The following ADGRL3 variants were observed in gnomAD, a reference collection of about 807,000 sequenced individuals.
ADGRL3 encodes calcium-independent alpha-latrotoxin receptor 3.
Under a neutral mutation model 153.5 loss-of-function variants are expected in ADGRL3, and 62 were observed. The ratio of observed to expected loss-of-function variants is 0.40; its 90% CI spans 0.33 to 0.50. The LOEUF (loss-of-function observed/expected upper bound fraction) is 0.50, where lower values mean the gene tolerates loss of function less well. ADGRL3 is among the 20% of genes least tolerant of loss of function. The pLI is 0.47. For missense variants in ADGRL3, 1,641 were observed against 1,859.4 expected (o/e 0.88, Z 2.16); for synonymous variants, 710 against 672.5 (o/e 1.06, Z -0.86).
chr4:61,860,105 T>C (rs1013027545), intron 9 of ADGRL3, among the ~76,000 whole-genome samples: 2 of 152,098 alleles, frequency 1.3e-5, no homozygotes, highest in African/African-American at 2.4e-5. Context: ...TGCTTCAGAG[T>C]TCCTTGTAGA....
intron 5 of ADGRL3, among the ~76,000 whole-genome samples, chr4:61,590,362 T>C (rs2098964523): frequency 6.6e-6 from 1 of 151,964 alleles, no homozygotes; most frequent in Non-Finnish European, 1.5e-5. Context: ...TGTTTTTTTA[T>C]ATATTTTAGA....
chr4:61,475,003 T>C (rs2098026614), intron 2 of ADGRL3, among the ~76,000 whole-genome samples: 1 of 152,158 alleles, frequency 6.6e-6, no homozygotes. Context: ...CCAAAGAATG[T>C]GTGCATCTCA....
At chr4:61,507,821 A>G (rs17090492) in intron 3 of ADGRL3, among the ~76,000 whole-genome samples, 16,267 of 152,218 alleles carry the variant, frequency 0.11, 948 homozygotes, top group African/African-American at 0.16. Context: ...CTCTGTCAAT[A>G]TGTGGATCAT....
intron 8 of ADGRL3, among the ~76,000 whole-genome samples, chr4:61,733,861 AAATAG>A (rs2096473969): frequency 6.6e-6 from 1 of 152,198 alleles, no homozygotes; most frequent in East Asian, 1.9e-4. Flanking sequence ...ACCATTGCTA[AAATAG>A]AACAGCCCGT....
chr4:61,826,667 G>C (rs988839919), intron 9 of ADGRL3, among the ~76,000 whole-genome samples: 2 of 152,028 alleles, frequency 1.3e-5, no homozygotes, highest in Admixed American at 6.6e-5. Context: ...ACATACTATG[G>C]TTTCAATTTT....
intron 24 of ADGRL3, among the ~76,000 whole-genome samples, chr4:62,040,405 C>G (rs1727588091): frequency 6.6e-6 from 1 of 151,854 alleles, no homozygotes; most frequent in Non-Finnish European, 1.5e-5. Context: ...CCAGCCAAGC[C>G]TATGTAAGGT....
At chr4:61,787,620 T>A (rs1417549282) in intron 8 of ADGRL3, among the ~76,000 whole-genome samples, 2 of 152,160 alleles carry the variant, frequency 1.3e-5, no homozygotes, top group African/African-American at 4.8e-5. Flanking sequence ...AGTTTATCAG[T>A]ACTTGAAACC....
At chr4:61,755,270 T>C (rs1304404183) in intron 8 of ADGRL3, among the ~76,000 whole-genome samples, 1 of 151,964 alleles carries the variant, frequency 6.6e-6, no homozygotes, top group Admixed American at 6.6e-5. Flanking sequence ...CTACATCCTC[T>C]CCAGCACCTG....
Position 61,200,943 on chromosome 4 carries a change from C to G in ADGRL3, c.-1062C>G, listed in dbSNP as rs1257479362. ...CTCGGCGGCCGGGCGCCCGCTCTGT[C>G]TGCGCGCCCCCTCCGTGCACCGGGG... On this transcript the variant is annotated 5_prime_UTR_variant, in exon 1 of 27. Transcript: ENST00000683033. Among the ~76,000 whole-genome samples, 2 of 151,660 alleles carry G rather than the reference C, an allele frequency of 1.3e-5. No individual in the cohort carries two copies. Among genetic ancestry groups the G allele is most frequent in the African/African-American group, 4.8e-5 (2 of 41,284 alleles).
chr4:61,597,292 CAAG>C (rs1265437270), intron 5 of ADGRL3, among the ~76,000 whole-genome samples: 1 of 151,878 alleles, frequency 6.6e-6, no homozygotes, highest in Non-Finnish European at 1.5e-5. Flanking sequence ...AATAAAAAGA[CAAG>C]AAGGAGAGAT....
intron 2 of ADGRL3, among the ~76,000 whole-genome samples, chr4:61,477,464 A>G (rs927422510): frequency 8.5e-5 from 13 of 152,222 alleles, no homozygotes; most frequent in Non-Finnish European, 1.8e-4. Flanking sequence ...CCATGAATAA[A>G]TTATCTGCAC....
chr4:61,445,168 A>C (rs566914686), intron 2 of ADGRL3, among the ~76,000 whole-genome samples: 1 of 152,364 alleles, frequency 6.6e-6, no homozygotes, highest in African/African-American at 2.4e-5. Context: ...AAGAGAAATC[A>C]TATGAGATTG....
At chr4:61,445,146 C>G (rs889438232) in intron 2 of ADGRL3, among the ~76,000 whole-genome samples, 5 of 152,212 alleles carry the variant, frequency 3.3e-5, no homozygotes, top group Admixed American at 2.6e-4. Flanking sequence ...TATACATTAT[C>G]TTATGTAATC....
intron 1 of ADGRL3, among the ~76,000 whole-genome samples, chr4:61,237,929 G>T (rs1050394058): frequency 6.6e-6 from 1 of 152,132 alleles, no homozygotes; most frequent in Non-Finnish European, 1.5e-5. Context: ...GCGAGTCTGT[G>T]TTGCTGAGAT....
At chr4:61,924,265 C>A (rs1240091505) in intron 13 of ADGRL3, among the ~76,000 whole-genome samples, 1 of 152,138 alleles carries the variant, frequency 6.6e-6, no homozygotes, top group Non-Finnish European at 1.5e-5. Flanking sequence ...ATTGACACTT[C>A]TTTCCAGTCT....
intron 3 of ADGRL3, among the ~76,000 whole-genome samples, chr4:61,500,151 C>G (rs1318493201): frequency 6.6e-6 from 1 of 152,014 alleles, no homozygotes; most frequent in African/African-American, 2.4e-5. Flanking sequence ...AGGTAAAATA[C>G]TCTGGGTTAA....
chr4:61,939,475 CTT>C (rs1466839990), intron 15 of ADGRL3, among the ~76,000 whole-genome samples: 1 of 136,116 alleles, frequency 7.3e-6, no homozygotes, highest in Admixed American at 7.3e-5. Flanking sequence ...TTTTTTTTTT[CTT>C]TTTTTTTTTT....
intron 6 of ADGRL3, among the ~76,000 whole-genome samples, chr4:61,688,703 C>T (rs1026369878): frequency 6.6e-6 from 1 of 152,076 alleles, no homozygotes; most frequent in African/African-American, 2.4e-5. Context: ...GGAGCTCCAG[C>T]CATCTTAGAG....
chr4:61,461,558 C>T (rs191744000), intron 2 of ADGRL3, among the ~76,000 whole-genome samples: 92 of 151,956 alleles, frequency 6.1e-4, no homozygotes, highest in African/African-American at 1.3e-3. Flanking sequence ...TATTCTTATA[C>T]GCCAAAAATA....
Sources: allele counts gnomAD v4.1 joint callset (sites outside exome capture counted in the v4.1 genomes callset), GRCh38; gene constraint gnomAD v4.1.1; transcripts MANE v1.5; gene names NCBI Gene and HGNC (gene_info 2026-07-23, HGNC 2026-07-21).